The following ERBB4 variants were observed in gnomAD, a reference collection of about 807,000 sequenced individuals.
ERBB4 encodes the protein erb-b2 receptor tyrosine kinase 4.
ERBB4 carries 42 observed loss-of-function variants against 158.0 expected under a neutral mutation model. The observed-to-expected ratio is 0.27, with a 90% CI of 0.21 to 0.34. ERBB4 has a LOEUF of 0.34. Ranked by LOEUF, ERBB4 falls within the 10% of genes least tolerant of loss-of-function variation. ERBB4 has a pLI of 1.00. For synonymous variants in ERBB4, 583 were observed against 558.7 expected, an observed-to-expected ratio of 1.04 and a Z score of -0.61; for missense variants, 1,333 against 1,624.1, an observed-to-expected ratio of 0.82 and a Z score of 3.08.
chr2:212,145,186 T>G (rs902487909), intron 1 of ERBB4, among the ~76,000 whole-genome samples: 35 of 152,300 alleles, frequency 2.3e-4, no homozygotes, highest in African/African-American at 7.9e-4. Flanking sequence ...AAAATCCATT[T>G]GAAAATCAAA....
At chr2:211,705,493 A>T (rs1011750626) in intron 9 of ERBB4, 102 bp from the exon 10 acceptor site, 1 of 813,036 alleles carries the variant, frequency 1.2e-6, no homozygotes, top group Non-Finnish European at 2.2e-6. Flanking sequence ...TTTAATTAGC[A>T]GTAGGGGTGT....
At chr2:211,494,520 A>G (rs756108217) in intron 20 of ERBB4, among the ~76,000 whole-genome samples, 7 of 152,152 alleles carry the variant, frequency 4.6e-5, no homozygotes, top group Admixed American at 1.3e-4. Flanking sequence ...TTGATAGTGC[A>G]TAGCCAGTCT....
At chr2:211,436,219 G>GC (rs1447135929) in intron 20 of ERBB4, among the ~76,000 whole-genome samples, 67 of 152,300 alleles carry the variant, frequency 4.4e-4, no homozygotes, top group African/African-American at 1.3e-3. Flanking sequence ...GCAAGTGATT[G>GC]ACATTTTTTA....
In ERBB4 at chr2:212,230,870, G is replaced by A. The variant is rs147303904; in HGVS notation, c.83-105967C>T. Among the ~76,000 whole-genome samples the A allele has an allele frequency of 4.7e-3, 709 of 152,198 alleles. 11 individuals carry two copies. In the East Asian group the frequency reaches 0.048, roughly 10 times the overall value. ...GAGCAGTACCTTCCCAGGAATCATAGGGAAATGATGTACTTATTATGGAAC... is the reference window on the plus strand; with the variant it reads ...GAGCAGTACCTTCCCAGGAATCATAAGGAAATGATGTACTTATTATGGAAC... On this transcript the variant is annotated intron_variant, in intron 1 of 27. Transcript: ENST00000342788.
chr2:211,976,680 T>C (rs2081616992), intron 2 of ERBB4, among the ~76,000 whole-genome samples: 1 of 152,054 alleles, frequency 6.6e-6, no homozygotes, highest in Non-Finnish European at 1.5e-5. Context: ...TTATTTTTCA[T>C]CTTGTCAATG....
At chr2:211,908,035 G>A (rs79323300) in intron 3 of ERBB4, among the ~76,000 whole-genome samples, 20,747 of 151,350 alleles carry the variant, frequency 0.14, 1,865 homozygotes, top group African/African-American at 0.22. Context: ...ACCTTTATTG[G>A]AGCACTGGAA....
At chr2:211,973,562 T>C (rs1318754242) in intron 2 of ERBB4, among the ~76,000 whole-genome samples, 1 of 152,118 alleles carries the variant, frequency 6.6e-6, no homozygotes, top group African/African-American at 2.4e-5. Context: ...ATGGCTATTA[T>C]TAAAAAGTCA....
chr2:211,568,679 A>G (rs1247015648), intron 19 of ERBB4, among the ~76,000 whole-genome samples: 1 of 152,194 alleles, frequency 6.6e-6, no homozygotes, highest in Non-Finnish European at 1.5e-5. Flanking sequence ...GGAAGATTAA[A>G]AGAGAGATAG....
intron 1 of ERBB4, among the ~76,000 whole-genome samples, chr2:212,157,155 C>G (rs546880171): frequency 3.9e-5 from 6 of 152,048 alleles, no homozygotes; most frequent in Non-Finnish European, 8.8e-5. Context: ...TTTAGCACTA[C>G]CCCTCACACT....
chr2:212,283,783 T>C (rs572967497), intron 1 of ERBB4, among the ~76,000 whole-genome samples: 1 of 152,050 alleles, frequency 6.6e-6, no homozygotes, highest in East Asian at 1.9e-4. Flanking sequence ...AGGTGAAAAA[T>C]AGTTACTATA....
At chr2:211,809,214 A>G (rs2076691213) in intron 3 of ERBB4, among the ~76,000 whole-genome samples, 1 of 152,234 alleles carries the variant, frequency 6.6e-6, no homozygotes. Flanking sequence ...AAAATGAATT[A>G]GGGAGGATTC....
At chr2:212,494,762 A>G (rs1341915043) in intron 1 of ERBB4, among the ~76,000 whole-genome samples, 8 of 152,160 alleles carry the variant, frequency 5.3e-5, no homozygotes, top group Admixed American at 5.2e-4. Flanking sequence ...AGTTTATAAT[A>G]GCAATAATGA....
intron 25 of ERBB4, among the ~76,000 whole-genome samples, chr2:211,412,825 G>T (rs892272502): frequency 1.8e-4 from 28 of 151,732 alleles, no homozygotes; most frequent in African/African-American, 6.8e-4. Context: ...GTGGTGGCGT[G>T]TGCCTGTAAT....
chr2:211,963,264 A>G (rs2125180208), intron 2 of ERBB4, among the ~76,000 whole-genome samples: 1 of 152,148 alleles, frequency 6.6e-6, no homozygotes, highest in Admixed American at 6.6e-5. Context: ...GGTAGACATC[A>G]TACATGCACC....
intron 19 of ERBB4, among the ~76,000 whole-genome samples, chr2:211,617,024 A>C (rs2069416581): frequency 6.6e-6 from 1 of 152,080 alleles, no homozygotes; most frequent in Admixed American, 6.6e-5. Context: ...TTCCATGGGA[A>C]TATACATCAG....
intron 13 of ERBB4, among the ~76,000 whole-genome samples, chr2:211,676,906 A>C (rs1031120526): frequency 1.3e-5 from 2 of 152,190 alleles, no homozygotes; most frequent in Non-Finnish European, 1.5e-5. Context: ...TAATATTGGG[A>C]ACAAGCATAA....
rs149919972 is a variant in ERBB4, at chr2:212,125,587, T to A, written c.83-684A>T. Among the ~76,000 whole-genome samples, 146 of 152,254 alleles carry A rather than the reference T, an allele frequency of 9.6e-4. 1 individual carries two copies. The highest frequency in any genetic ancestry group is 1.6e-4 in the Non-Finnish European group (11 of 68,012). On this transcript the variant is annotated intron_variant, in intron 1 of 27. Transcript: ENST00000342788. ...CCTCCTCCCAACTTCCATTCTCCAA[T>A]AGGCCCCAGGGTATGTTTTTCTCCT...
At chr2:212,372,949 T>C (rs750342899) in intron 1 of ERBB4, among the ~76,000 whole-genome samples, 6 of 152,046 alleles carry the variant, frequency 3.9e-5, no homozygotes, top group African/African-American at 1.4e-4. Flanking sequence ...ACAGGGAAAA[T>C]TTAAGACTGT....
chr2:211,433,144 T>G (rs1251956801), intron 20 of ERBB4, among the ~76,000 whole-genome samples: 1 of 152,102 alleles, frequency 6.6e-6, no homozygotes, highest in African/African-American at 2.4e-5. Flanking sequence ...TAAAGCATAA[T>G]GTATGAGGGA....
Sources: allele counts gnomAD v4.1 joint callset (sites outside exome capture counted in the v4.1 genomes callset), GRCh38; gene constraint gnomAD v4.1.1; transcripts MANE v1.5; gene names NCBI Gene and HGNC (gene_info 2026-07-23, HGNC 2026-07-21).